ZNF385D: variants seen among roughly 807,000 people sequenced by gnomAD.
The protein encoded by ZNF385D is zinc finger protein 659.
A neutral mutation model predicts 35.8 loss-of-function variants in ZNF385D; 15 were observed. The ratio of observed to expected loss-of-function variants is 0.42; its 90% CI spans 0.28 to 0.64. The LOEUF (loss-of-function observed/expected upper bound fraction) is 0.64, where lower values mean the gene tolerates loss of function less well. Among genes scored for constraint, ZNF385D ranks in the 30% least tolerant of loss-of-function variants. ZNF385D has a pLI of 0.23. For synonymous variants in ZNF385D, 212 were observed against 186.8 expected, an observed-to-expected ratio of 1.13 and a Z score of -1.10; for missense variants, 474 against 494.6, an observed-to-expected ratio of 0.96 and a Z score of 0.39.
chr3:22,181,470 G>A (rs1428872329), intron 2 of ZNF385D, among the ~76,000 whole-genome samples: 2 of 152,070 alleles, frequency 1.3e-5, no homozygotes, highest in Non-Finnish European at 2.9e-5. Context: ...GCCGAGGCGG[G>A]CGGATCACGA....
At position 21,986,482 on chromosome 3, in the gene ZNF385D, G is replaced by T. The variant is rs892688441; in HGVS notation, c.325+182335C>A. Among the ~76,000 whole-genome samples the T allele has an allele frequency of 5.7e-5, 7 of 123,338 alleles. 1 individual carries two copies. The highest frequency in any genetic ancestry group is 3.2e-4 in the African/African-American group (7 of 21,878). The allele number at this position is 123,338 out of a possible 152,430, so 80.9% of individuals were successfully genotyped here. A position where few individuals can be genotyped will look rare whatever the true frequency, so the allele number is the denominator to read the frequency against. ...TTTCCATGTAGTTGAGCAGCTTTGA[G>T]TGAGATTCTTAATCCTGAGTTCTAG... On this transcript the variant is annotated intron_variant, in intron 3 of 5. Transcript: ENST00000494108.
At chr3:22,215,603 T>C (rs933264613) in intron 2 of ZNF385D, among the ~76,000 whole-genome samples, 1 of 152,070 alleles carries the variant, frequency 6.6e-6, no homozygotes, top group Non-Finnish European at 1.5e-5. Context: ...CCTGATAAGA[T>C]GTTATCAATG....
rs74677949 is a variant in ZNF385D, at chr3:22,273,743, T to C, written c.106+98707A>G. 2.0e-3 allele frequency among the ~76,000 whole-genome samples: 311 copies of C among 152,130 alleles called. 2 individuals carry two copies. Among genetic ancestry groups the C allele is most frequent in the African/African-American group, 7.3e-3 (302 of 41,570 alleles). On this transcript the variant is annotated intron_variant, in intron 2 of 5. Coordinates refer to the ZNF385D transcript ENST00000494108. Reference sequence around the variant, plus strand: ...ACAGACATATTTACAGATCAGGAAGTTGAATACGCAAATGGCAAAACTATT... The same window carrying C: ...ACAGACATATTTACAGATCAGGAAGCTGAATACGCAAATGGCAAAACTATT...
chr3:21,540,943 C>T (rs1007404453), intron 3 of ZNF385D, among the ~76,000 whole-genome samples: 6 of 152,120 alleles, frequency 3.9e-5, no homozygotes, highest in Admixed American at 6.5e-5. Flanking sequence ...TATCAAAACA[C>T]AGATTTGGAC....
chr3:22,156,614 T>C (rs986001152), intron 3 of ZNF385D, among the ~76,000 whole-genome samples: 3 of 152,124 alleles, frequency 2.0e-5, no homozygotes, highest in African/African-American at 7.2e-5. Flanking sequence ...CATGTTAGAA[T>C]ACAAACAGAT....
At chr3:22,149,836 CTTT>C (rs368936962) in intron 3 of ZNF385D, among the ~76,000 whole-genome samples, 1 of 151,836 alleles carries the variant, frequency 6.6e-6, no homozygotes. Flanking sequence ...AAGTCTCAGA[CTTT>C]TTTTTGTCTT....
intron 3 of ZNF385D, among the ~76,000 whole-genome samples, chr3:22,106,583 C>T (rs992486489): frequency 6.6e-6 from 1 of 152,112 alleles, no homozygotes; most frequent in South Asian, 2.1e-4. Flanking sequence ...CAGCTTGAGT[C>T]TCTCTCTCAC....
chr3:22,303,156 C>T (rs531723365), intron 2 of ZNF385D, among the ~76,000 whole-genome samples: 3 of 152,252 alleles, frequency 2.0e-5, no homozygotes, highest in South Asian at 4.1e-4. Flanking sequence ...ATATCGTTGG[C>T]TGCACATGTT....
intron 2 of ZNF385D, chr3:21,579,108 T>C (rs1486004461): frequency 6.6e-6 from 1 of 152,290 alleles, no homozygotes; most frequent in Non-Finnish European, 1.5e-5. Context: ...ATGATACCTA[T>C]TGCCACAAAG....
chr3:21,900,837 T>A (rs1001670073), intron 3 of ZNF385D, among the ~76,000 whole-genome samples: 1 of 152,174 alleles, frequency 6.6e-6, no homozygotes, highest in African/African-American at 2.4e-5. Context: ...TGCACTGGGA[T>A]AAAAGCTGGT....
intron 1 of ZNF385D, among the ~76,000 whole-genome samples, chr3:21,678,953 G>A (rs1019721598): frequency 2.0e-5 from 3 of 152,004 alleles, no homozygotes; most frequent in Non-Finnish European, 4.4e-5. Flanking sequence ...AATTTATGTT[G>A]TTCTTCAGCT....
At chr3:21,805,543 G>C (rs1004084056) in intron 3 of ZNF385D, among the ~76,000 whole-genome samples, 4 of 152,184 alleles carry the variant, frequency 2.6e-5, no homozygotes, top group Non-Finnish European at 5.9e-5. Context: ...CTCTACTTAA[G>C]ATTCAGAGAT....
chr3:22,135,495 G>T (rs1704049589), intron 3 of ZNF385D, among the ~76,000 whole-genome samples: 1 of 152,000 alleles, frequency 6.6e-6, no homozygotes, highest in South Asian at 2.1e-4. Context: ...TAAATAAATG[G>T]AGAAACATAC....
At chr3:22,234,519 CTCTT>C (rs1294907472) in intron 2 of ZNF385D, among the ~76,000 whole-genome samples, 2 of 151,802 alleles carry the variant, frequency 1.3e-5, no homozygotes, top group African/African-American at 4.8e-5. Flanking sequence ...TTTCATTCTT[CTCTT>C]TGACTGAAAA....
At chr3:22,004,722 T>C (rs936440091) in intron 3 of ZNF385D, among the ~76,000 whole-genome samples, 1 of 152,072 alleles carries the variant, frequency 6.6e-6, no homozygotes, top group Non-Finnish European at 1.5e-5. Context: ...TAAATGCATA[T>C]CTCCTCCTTT....
intron 2 of ZNF385D, among the ~76,000 whole-genome samples, chr3:21,652,015 A>G (rs1320193685): frequency 6.6e-6 from 1 of 152,200 alleles, no homozygotes; most frequent in African/African-American, 2.4e-5. Flanking sequence ...ATCAGATTCC[A>G]TTAGAATTGA....
At chr3:22,115,440 A>C (rs772924776) in intron 3 of ZNF385D, among the ~76,000 whole-genome samples, 1 of 152,082 alleles carries the variant, frequency 6.6e-6, no homozygotes, top group South Asian at 2.1e-4. Flanking sequence ...TCAATATTTG[A>C]GCCCAAATTA....
At chr3:22,116,792 A>G (rs1388219947) in intron 3 of ZNF385D, among the ~76,000 whole-genome samples, 2 of 152,032 alleles carry the variant, frequency 1.3e-5, no homozygotes, top group African/African-American at 4.8e-5. Flanking sequence ...TCAAAATTAC[A>G]GTTTTTATAA....
At chr3:21,759,097 G>A (rs561242730) in intron 3 of ZNF385D, among the ~76,000 whole-genome samples, 2 of 149,870 alleles carry the variant, frequency 1.3e-5, no homozygotes, top group Admixed American at 6.7e-5. Flanking sequence ...CTCAGTTGAG[G>A]AAATGAAGCA....
Sources: gnomAD v4.1 joint callset for allele counts (sites outside exome capture counted in the v4.1 genomes callset) on GRCh38, gnomAD v4.1.1 for gene constraint, MANE v1.5 for transcripts, NCBI Gene and HGNC (gene_info 2026-07-23, HGNC 2026-07-21) for gene names.